The following ARMC9 variants were observed in gnomAD, a reference collection of about 807,000 sequenced individuals.
ARMC9 encodes armadillo repeat containing 9.
Under a neutral mutation model 107.0 loss-of-function variants are expected in ARMC9, and 94 were observed. The observed-to-expected ratio is 0.88, with a 90% CI of 0.74 to 1.04. The LOEUF is 1.04. ARMC9 is among the 50% of genes least tolerant of loss of function. ARMC9 has a pLI of 0.00. For synonymous variants in ARMC9, 380 were observed against 396.9 expected (o/e 0.96, Z 0.51); for missense variants, 942 against 1,030.1 (o/e 0.91, Z 1.17).
At position 231,259,034 on chromosome 2, in the gene ARMC9, A is replaced by G. The variant is rs1206309109; in HGVS notation, c.958A>G (p.Lys320Glu). ...ATTACTGCCCTCCTTGGATTATGAG[A>G]AACTGAAGAAGGATTTGATTTTGGG... ...VPLLPSLDYEKLKKDLILGSD... is the reference protein window; with the variant it reads ...VPLLPSLDYEELKKDLILGSD... The change falls in exon 11 of 25, where the codon AAA becomes GAA. Residue 320 changes from lysine (K) to glutamate (E), a missense_variant. Lys to Glu is a moderately conservative substitution (Grantham distance 56, BLOSUM62 1). Transcript: ENST00000611582. 1.2e-6 allele frequency: 2 copies of G among 1,614,196 alleles called. No homozygotes were observed. Among genetic ancestry groups the G allele is most frequent in the Non-Finnish European group, 8.5e-7 (1 of 1,180,006 alleles).
At chr2:231,239,897 A>T (rs753970806) in intron 8 of ARMC9, 46 bp from the exon 9 acceptor site, 3 of 1,540,738 alleles carry the variant, frequency 1.9e-6, no homozygotes, top group Non-Finnish European at 2.7e-6. Context: ...GGTGTCCCTC[A>T]GTGAGTTTCA....
At chr2:231,222,478 C>T (rs1243157789) in intron 5 of ARMC9, among the ~76,000 whole-genome samples, 1 of 152,188 alleles carries the variant, frequency 6.6e-6, no homozygotes, top group Non-Finnish European at 1.5e-5. Context: ...ATACTCAAAT[C>T]ATGTTCAGGG....
intron 1 of ARMC9, among the ~76,000 whole-genome samples, chr2:231,203,354 T>G (rs919759554): frequency 2.6e-5 from 4 of 152,148 alleles, no homozygotes; most frequent in African/African-American, 4.8e-5. Flanking sequence ...CTTCTTCCCC[T>G]CATGTCCCAC....
Position 231,241,198 on chromosome 2 carries a change from C to CAA in ARMC9, c.879+1174_879+1175dup, listed in dbSNP as rs5839393. On this transcript the variant is annotated intron_variant, in intron 9 of 24. Coordinates refer to ENST00000611582, the MANE Select transcript of ARMC9 (RefSeq NM_001352754.2). ...GGGGGACAAGAGCAAGACTTAGTCTCAAAAAAAAAAAAAAAAAATAGAACA... is the reference window on the plus strand; with the variant it reads ...GGGGGACAAGAGCAAGACTTAGTCTCAAAAAAAAAAAAAAAAAAAATAGAACA... 6.5e-3 allele frequency among the ~76,000 whole-genome samples: 759 copies of CAA among 116,140 alleles called. 5 individuals are homozygous for CAA. The highest frequency in any genetic ancestry group is 0.013 in the African/African-American group (465 of 34,970). The allele number at this position is 116,140 out of a possible 152,430, so 76.2% of individuals were successfully genotyped here.
chr2:231,201,561 C>G (rs1161773764), intron 1 of ARMC9, among the ~76,000 whole-genome samples: 1 of 152,230 alleles, frequency 6.6e-6, no homozygotes, highest in Non-Finnish European at 1.5e-5. Context: ...CTTCAGGCAT[C>G]TGTCCCACTC....
chr2:231,343,257 T>C (rs2044627465), intron 20 of ARMC9, among the ~76,000 whole-genome samples: 2 of 151,718 alleles, frequency 1.3e-5, no homozygotes, highest in Admixed American at 1.3e-4. Context: ...GGCTGAGAAC[T>C]GTCCCAGGGT....
chr2:231,210,262 ACT>A (rs1225978933), intron 3 of ARMC9, among the ~76,000 whole-genome samples: 1 of 152,064 alleles, frequency 6.6e-6, no homozygotes, highest in Non-Finnish European at 1.5e-5. Flanking sequence ...GTCAACACAG[ACT>A]CTTCTGTGGA....
rs372539616 is a variant in ARMC9 at position 231,262,368 on chromosome 2, T to C, written c.1089T>C (p.Asn363=). ...CCGTTCTGCAAGCCTACATCAGCAA[T>C]GACCTCTTGGACTGTTATAGCCACA... is the stretch of plus-strand genomic sequence containing the variant. ...RETVLQAYIS[N]DLLDCYSHNQ... Residue 363 remains asparagine, a synonymous_variant, in exon 12 of 25, where the codon AAT becomes AAC. Coordinates refer to ENST00000611582, the MANE Select transcript of ARMC9 (RefSeq NM_001352754.2). 1 of 1,614,176 alleles carries C rather than the reference T, an allele frequency of 6.2e-7. No individual in the cohort carries two copies. The highest frequency in any genetic ancestry group is 8.5e-7 in the Non-Finnish European group (1 of 1,180,012).
At chr2:231,245,237 A>G (rs927248499) in intron 9 of ARMC9, among the ~76,000 whole-genome samples, 10 of 152,206 alleles carry the variant, frequency 6.6e-5, no homozygotes, top group Admixed American at 6.5e-4. Flanking sequence ...TATGGGAGAA[A>G]TCAGATTTTA....
chr2:231,278,202 G>C (rs536213879), intron 15 of ARMC9, among the ~76,000 whole-genome samples, 180 bp from the exon 16 acceptor site: 1 of 152,246 alleles, frequency 6.6e-6, no homozygotes, highest in South Asian at 2.1e-4. Context: ...AATCCCTGTA[G>C]TAAAGAAGAG....
intron 8 of ARMC9, among the ~76,000 whole-genome samples, chr2:231,239,538 C>T (rs189603861): frequency 6.6e-5 from 10 of 152,308 alleles, no homozygotes; most frequent in Admixed American, 6.5e-4. Flanking sequence ...TTGGTCTTCT[C>T]GAGTCCAGGA....
At chr2:231,226,826 A>G in intron 7 of ARMC9, 28 bp downstream of exon 7, 1 of 1,608,020 alleles carries the variant, frequency 6.2e-7, no homozygotes, top group Non-Finnish European at 8.5e-7. Flanking sequence ...AAATTTGTCT[A>G]AGAACAACTT....
chr2:231,265,287 A>C (rs1431256644), intron 12 of ARMC9, among the ~76,000 whole-genome samples: 1 of 152,240 alleles, frequency 6.6e-6, no homozygotes, highest in Non-Finnish European at 1.5e-5. Flanking sequence ...CATTATATGA[A>C]AAAGACACAT....
chr2:231,237,753 G>A (rs867653830), intron 8 of ARMC9, among the ~76,000 whole-genome samples: 253 of 24,472 alleles, frequency 0.01, 14 homozygotes, highest in African/African-American at 0.032. Context: ...TTGGCTATAT[G>A]TATATATATA....
intron 18 of ARMC9, 31 bp downstream of exon 18, chr2:231,291,474 CT>C: frequency 6.3e-7 from 1 of 1,591,140 alleles, no homozygotes; most frequent in Non-Finnish European, 8.6e-7. Context: ...TTTGATCTAT[CT>C]TTTGAATTAT....
At chr2:231,251,397 C>T (rs1465487457) in intron 9 of ARMC9, among the ~76,000 whole-genome samples, 1 of 152,056 alleles carries the variant, frequency 6.6e-6, no homozygotes, top group African/African-American at 2.4e-5. Context: ...AAACACCTGA[C>T]CTTGTGATTC....
Position 231,331,805 on chromosome 2 carries a change from A to G in ARMC9, c.1786A>G (p.Ile596Val), listed in dbSNP as rs2125557962. ...EDEDDEEDHD[I>V]MEADLDKDEL... ...TCTCCTGAAACAGGAGGACCATGAC[A>G]TCATGGAAGCCGATCTGGACAAAGA... Residue 596 changes from isoleucine to valine, a missense_variant, in exon 20 of 25, where the codon ATC becomes GTC. By Grantham distance (29) the Ile-to-Val change is conservative. Coordinates refer to ENST00000611582, the MANE Select transcript of ARMC9 (RefSeq NM_001352754.2). The G allele has an allele frequency of 6.2e-7, 1 of 1,613,948 alleles. No homozygotes were observed. The highest frequency in any genetic ancestry group is 8.5e-7 in the Non-Finnish European group (1 of 1,179,896).
chr2:231,308,738 G>A (rs1482157083), intron 19 of ARMC9, among the ~76,000 whole-genome samples: 11 of 152,186 alleles, frequency 7.2e-5, no homozygotes, highest in Admixed American at 2.0e-4. Context: ...CATTCCATAC[G>A]CAGAGACATA....
chr2:231,267,670 C>G (rs1161976483), intron 12 of ARMC9, among the ~76,000 whole-genome samples: 1 of 152,182 alleles, frequency 6.6e-6, no homozygotes, highest in Non-Finnish European at 1.5e-5. Flanking sequence ...CGCAGCTAAT[C>G]CACACAGCAG....
Sources: gnomAD v4.1 joint callset for allele counts (sites outside exome capture counted in the v4.1 genomes callset) on GRCh38, gnomAD v4.1.1 for gene constraint, MANE v1.5 for transcripts, NCBI Gene and HGNC (gene_info 2026-07-23, HGNC 2026-07-21) for gene names.